CHIT1: variants seen among roughly 807,000 people sequenced by gnomAD.
CHIT1 encodes chitinase 1.
A neutral mutation model predicts 52.0 loss-of-function variants in CHIT1; 47 were observed. The observed-to-expected ratio is 0.90, with a 90% CI of 0.71 to 1.15. CHIT1 has a LOEUF of 1.15. CHIT1 is among the 50% of genes most tolerant of loss of function. The pLI is 0.00. For missense variants in CHIT1, 569 were observed against 583.0 expected (o/e 0.98, Z 0.25); for synonymous variants, 242 against 228.2 (o/e 1.06, Z -0.54).
At chr1:203,229,591 G>A (rs1162933961) in intron 1 of CHIT1, 21 bp downstream of exon 1, 1 of 1,613,876 alleles carries the variant, frequency 6.2e-7, no homozygotes. Context: ...CCGAGACCCA[G>A]CCCACTATCC....
Position 203,219,861 on chromosome 1 carries a change from G to A in CHIT1, c.730-12C>T. Reference sequence around the variant, plus strand: ...TGCACAGCAGCATCCTGGTGGAAGAGGGCAGGGTTAATTTTCTCAGCCCTC... The same window carrying A: ...TGCACAGCAGCATCCTGGTGGAAGAAGGCAGGGTTAATTTTCTCAGCCCTC... On this transcript the variant is annotated splice_polypyrimidine_tract_variant and intron_variant, in intron 7 of 10. Coordinates refer to ENST00000367229, the MANE Select transcript of CHIT1 (RefSeq NM_003465.3). 6.2e-7 allele frequency: 1 copy of A among 1,611,826 alleles called. No individual in the cohort carries two copies. The highest frequency in any genetic ancestry group is 8.5e-7 in the Non-Finnish European group (1 of 1,179,796).
At chr1:203,218,563 T>G (rs1018281626) in intron 9 of CHIT1, among the ~76,000 whole-genome samples, 18 of 152,108 alleles carry the variant, frequency 1.2e-4, no homozygotes, top group African/African-American at 3.1e-4. Context: ...ACCCGCGTCT[T>G]TGCTTGTGCA....
chr1:203,221,616 G>A (rs1656735101), intron 7 of CHIT1, among the ~76,000 whole-genome samples: 3 of 152,156 alleles, frequency 2.0e-5, no homozygotes, highest in African/African-American at 7.2e-5. Flanking sequence ...ACAAGATTCT[G>A]TCTCTTAAGA....
chr1:203,228,806 G>GC (rs1052759417), intron 1 of CHIT1, among the ~76,000 whole-genome samples: 5 of 152,326 alleles, frequency 3.3e-5, no homozygotes, highest in African/African-American at 9.6e-5. Flanking sequence ...GGCTGAGGCT[G>GC]CCCCCTCTCT....
intron 3 of CHIT1, 29 bp downstream of exon 3, chr1:203,225,636 TCCCA>T: frequency 1.9e-6 from 2 of 1,049,232 alleles, no homozygotes; most frequent in Non-Finnish European, 2.9e-6. Flanking sequence ...CCCCACCACA[TCCCA>T]CCCACCCTGC....
chr1:203,220,331 G>A (rs1656690919), intron 7 of CHIT1, among the ~76,000 whole-genome samples: 1 of 152,320 alleles, frequency 6.6e-6, no homozygotes, highest in Non-Finnish European at 1.5e-5. Flanking sequence ...ATAAAGGGTC[G>A]CTGTGGTCAT....
rs368002787 is a variant in CHIT1, at chr1:203,228,230, A to AG, written c.55+302dup. On this transcript the variant is annotated intron_variant, in intron 2 of 10. Transcript: ENST00000367229. ...GGCAGTACTGTACTGTAAAACACACAGGTGCTGCAAGAGCACAGAGTGCAG... is the reference window on the plus strand; with the variant it reads ...GGCAGTACTGTACTGTAAAACACACAGGGTGCTGCAAGAGCACAGAGTGCAG... Among the ~76,000 whole-genome samples, 336 of 152,370 alleles carry AG rather than the reference A, an allele frequency of 2.2e-3. 3 individuals carry two copies. The highest frequency in any genetic ancestry group is 7.8e-3 in the African/African-American group (325 of 41,588).
At position 203,229,616 on chromosome 1, in the gene CHIT1, C is replaced by T. The variant is rs768241014; in HGVS notation, c.21G>A (p.Trp7Ter). The T allele has an allele frequency of 6.2e-7, 1 of 1,614,090 alleles. No homozygotes were observed. The highest frequency in any genetic ancestry group is 2.2e-5 in the East Asian group (1 of 44,874). Residue 7 changes from tryptophan to a stop codon, truncating the protein, a stop_gained, in exon 1 of 11, where the codon TGG (tryptophan) becomes TGA (stop). Transcript: ENST00000367229. LOFTEE classifies it high-confidence loss of function. The stretch of plus-strand genomic sequence containing the variant: ...GCCCACTATCCGACGGCTCACCTGC[C>T]CAGGCCACAGACCGCACCATGATGC... MVRSVA[W>*]AGFMVLLMIP...
In CHIT1 at chr1:203,219,644, G is replaced by A. The variant is rs1438375295; in HGVS notation, c.915+20C>T. On this transcript the variant is annotated intron_variant, in intron 8 of 10. Coordinates refer to ENST00000367229, the MANE Select transcript of CHIT1 (RefSeq NM_003465.3). Reference sequence around the variant, plus strand: ...CCCCCTGACCCTCACAATACCCAGGGTGGTTATGGGTTTTCCTACTTCATA... The same window carrying A: ...CCCCCTGACCCTCACAATACCCAGGATGGTTATGGGTTTTCCTACTTCATA... 2 of 1,613,748 alleles carry A rather than the reference G, an allele frequency of 1.2e-6. No homozygotes were observed. The highest frequency in any genetic ancestry group is 1.7e-6 in the Non-Finnish European group (2 of 1,179,658).
intron 1 of CHIT1, among the ~76,000 whole-genome samples, 169 bp downstream of exon 1, chr1:203,229,443 A>G (rs912992422): frequency 6.6e-6 from 1 of 152,172 alleles, no homozygotes; most frequent in Non-Finnish European, 1.5e-5. Flanking sequence ...CCCACAGGAA[A>G]GGTAATCAAG....
At chr1:203,223,348 T>G (rs892890647) in intron 5 of CHIT1, 89 bp from the exon 6 acceptor site, 31 of 1,609,804 alleles carry the variant, frequency 1.9e-5, no homozygotes, top group Non-Finnish European at 2.3e-5. Flanking sequence ...CTTGTAGAAG[T>G]CTGAGAGCTG....
chr1:203,219,132 G>A lies in CHIT1; in HGVS notation c.1029+84C>T. 4 of 798,896 alleles carry A rather than the reference G, an allele frequency of 5.0e-6. No homozygotes were observed. In the Admixed American group the frequency reaches 6.8e-5, roughly 14 times the overall value. 49.5% of individuals were successfully genotyped at this position (798,896 alleles called of 1,614,324 possible). A position where few individuals can be genotyped will look rare whatever the true frequency, so the allele number is the denominator to read the frequency against. On this transcript the variant is annotated intron_variant, in intron 9 of 10. Coordinates refer to ENST00000367229, the MANE Select transcript of CHIT1 (RefSeq NM_003465.3). ...GGACATTTAAAGGAGACTCACCCTT[G>A]AGGTCCTGAACTGTCCTCATTCCAT...
chr1:203,219,124 T>G, intron 9 of CHIT1, 92 bp downstream of exon 9: 1 of 788,862 alleles, frequency 1.3e-6, no homozygotes, highest in Non-Finnish European at 2.3e-6. Context: ...TAAAGGAGAC[T>G]CACCCTTGAG....
At chr1:203,229,315 C>T (rs573460789) in intron 1 of CHIT1, among the ~76,000 whole-genome samples, 2 of 152,146 alleles carry the variant, frequency 1.3e-5, no homozygotes, top group African/African-American at 2.4e-5. Context: ...AGTGCAGGGG[C>T]CTCATTGACT....
rs1361399961 is a variant in CHIT1, at chr1:203,217,663, C to G, written c.1156+76G>C. On this transcript the variant is annotated intron_variant, in intron 10 of 10. Transcript: ENST00000367229. ...TTTCCTCAGAAGGACCCGGGACCTA[C>G]AGTTCATTGGATGCATGGAGCTGTG... 6.8e-6 allele frequency: 11 copies of G among 1,608,408 alleles called. No individual in the cohort carries two copies. The Admixed American group carries it at 1.7e-4, about 24-fold the overall frequency.
intron 6 of CHIT1, among the ~76,000 whole-genome samples, chr1:203,222,605 G>A (rs1425627500): frequency 6.6e-6 from 1 of 152,116 alleles, no homozygotes; most frequent in Non-Finnish European, 1.5e-5. Flanking sequence ...GAAAACTCCT[G>A]CTACATTGCT....
intron 9 of CHIT1, 72 bp from the exon 10 acceptor site, chr1:203,217,937 C>T (rs1656597623): frequency 1.3e-6 from 2 of 1,556,612 alleles, no homozygotes; most frequent in African/African-American, 1.4e-5. Context: ...CTGGCTACCT[C>T]TTCTGGACAG....
intron 7 of CHIT1, among the ~76,000 whole-genome samples, chr1:203,221,912 G>A (rs1210399718): frequency 6.6e-6 from 1 of 152,152 alleles, no homozygotes; most frequent in Non-Finnish European, 1.5e-5. Context: ...AGGCCTGCTG[G>A]CTGGAGACTC....
chr1:203,226,104 C>G (rs1656919959), intron 2 of CHIT1, among the ~76,000 whole-genome samples: 1 of 152,222 alleles, frequency 6.6e-6, no homozygotes, highest in Non-Finnish European at 1.5e-5. Context: ...TGGGCAGGAC[C>G]ATCATCTTCT....
Sources: allele counts gnomAD v4.1 joint callset (sites outside exome capture counted in the v4.1 genomes callset), GRCh38; gene constraint gnomAD v4.1.1; transcripts MANE v1.5; gene names NCBI Gene and HGNC (gene_info 2026-07-23, HGNC 2026-07-21).